Variants in BLTP1 observed in about 807,000 individuals in gnomAD.
The protein encoded by BLTP1 is bridge-like lipid transfer protein family member 1.
At chr4:122,248,508 G>A in the BLTP1 span, among the ~76,000 whole-genome samples, 6 of 151,980 alleles carry the variant, frequency 3.9e-5, no homozygotes, top group Admixed American at 6.6e-5. Flanking sequence ...GGAACTAGGT[G>A]TCTGGTTGTG....
At chr4:122,349,514 T>C in the BLTP1 span, 1 of 1,609,982 alleles carries the variant, frequency 6.2e-7, no homozygotes, top group Non-Finnish European at 8.5e-7. The surrounding 1 kb of genome is among the most constrained non-coding windows in gnomAD (Gnocchi z 4.5). Flanking sequence ...TGGGTTCTAC[T>C]GAAGCTCGTG....
At chr4:122,211,626 A>G in the BLTP1 span, among the ~76,000 whole-genome samples, 24 of 152,304 alleles carry the variant, frequency 1.6e-4, no homozygotes, top group African/African-American at 5.8e-4. Context: ...CTTAGGTTCT[A>G]AATAAATATG....
At chr4:122,185,372 T>C in the BLTP1 span, 1 of 985,022 alleles carries the variant, frequency 1.0e-6, no homozygotes, top group Non-Finnish European at 1.2e-6. Context: ...AAGAAAGCAT[T>C]GATTGTGGTA....
the BLTP1 span, chr4:122,179,724 G>A: frequency 2.2e-6 from 1 of 445,146 alleles, no homozygotes; most frequent in Non-Finnish European, 3.0e-6. Flanking sequence ...GCACATATAG[G>A]TACACTTATG....
the BLTP1 span, chr4:122,237,634 T>G: frequency 5.2e-6 from 4 of 767,424 alleles, no homozygotes; most frequent in Non-Finnish European, 1.6e-6. Context: ...ATTCACTGTT[T>G]ATGGGCCTGG....
At chr4:122,179,918 A>G in the BLTP1 span, 6 of 985,070 alleles carry the variant, frequency 6.1e-6, no homozygotes, top group Non-Finnish European at 7.2e-6. Context: ...ATTCCAGATC[A>G]ATGGAGGCAT....
At chr4:122,250,430 A>G in the BLTP1 span, 5 of 1,613,872 alleles carry the variant, frequency 3.1e-6, no homozygotes, top group Admixed American at 3.3e-5. Flanking sequence ...TGACACAGAA[A>G]GGGGTGGAGT....
chr4:122,226,829 A>C, the BLTP1 span: 1 of 1,604,046 alleles, frequency 6.2e-7, no homozygotes, highest in Non-Finnish European at 8.5e-7. Flanking sequence ...GGTTCTGTGA[A>C]TCCAAGGTAT....
the BLTP1 span, chr4:122,247,454 A>C: frequency 7.3e-7 from 1 of 1,375,204 alleles, no homozygotes; most frequent in South Asian, 1.3e-5. Flanking sequence ...CTATTGCTAC[A>C]ATTCGGTATT....
the BLTP1 span, chr4:122,154,916 G>T: frequency 1.1e-6 from 1 of 943,084 alleles, no homozygotes; most frequent in Non-Finnish European, 1.3e-6. Flanking sequence ...TTGACTTTTG[G>T]TTTGTTTTTC....
the BLTP1 span, chr4:122,277,648 A>G: frequency 1.0e-6 from 1 of 965,252 alleles, no homozygotes; most frequent in South Asian, 4.8e-5. Context: ...AGCCTTGCTC[A>G]TTATGAATCA....
the BLTP1 span, chr4:122,298,041 C>A: frequency 2.3e-6 from 1 of 440,754 alleles, no homozygotes; most frequent in Non-Finnish European, 3.0e-6. Context: ...GCATATCCTA[C>A]AGAACTTAAA....
chr4:122,231,634 T>G, the BLTP1 span: 1 of 957,022 alleles, frequency 1.0e-6, no homozygotes, highest in Non-Finnish European at 1.2e-6. Context: ...AAGCCATTCT[T>G]TTGCTAGTAA....
chr4:122,287,106 C>T, the BLTP1 span, among the ~76,000 whole-genome samples: 6 of 152,238 alleles, frequency 3.9e-5, no homozygotes, highest in East Asian at 1.9e-4. Context: ...GTGCTTTACA[C>T]GCATTGACTT....
the BLTP1 span, chr4:122,197,278 AG>A: frequency 5.4e-6 from 8 of 1,473,578 alleles, no homozygotes; most frequent in Non-Finnish European, 7.3e-6. Context: ...GAAAATGGTA[AG>A]CTGCAACTGT....
chr4:122,207,690 A>G, the BLTP1 span: 16 of 1,411,972 alleles, frequency 1.1e-5, no homozygotes, highest in African/African-American at 1.8e-4. Flanking sequence ...AGTAAATTTG[A>G]TTTCCCAAAG....
the BLTP1 span, chr4:122,291,974 T>C: frequency 7.6e-6 from 2 of 263,318 alleles, no homozygotes; most frequent in African/African-American, 4.8e-5. Flanking sequence ...CAGTTTTTTT[T>C]TTTTTTTTTT....
the BLTP1 span, chr4:122,287,603 T>G: frequency 1.0e-6 from 1 of 985,200 alleles, no homozygotes; most frequent in African/African-American, 1.7e-5. Context: ...AATGTGCTAT[T>G]TGTTTTATAA....
chr4:122,274,362 G>T, the BLTP1 span: 2 of 1,563,648 alleles, frequency 1.3e-6, no homozygotes, highest in South Asian at 2.3e-5. Context: ...ATCAAAAGAT[G>T]ACTGAGACTT....
Sources: allele counts gnomAD v4.1 joint callset (sites outside exome capture counted in the v4.1 genomes callset), GRCh38; gene constraint gnomAD v4.1.1; non-coding constraint Gnocchi (gnomAD v3.1); transcripts MANE v1.5; gene names NCBI Gene and HGNC (gene_info 2026-07-23, HGNC 2026-07-21).